Variants in NEURL3 observed in about 807,000 individuals in gnomAD.
The protein encoded by NEURL3 is neuralized E3 ubiquitin protein ligase 3.
NEURL3 carries 19 observed loss-of-function variants against 17.6 expected under a neutral mutation model. That is an observed-to-expected ratio of 1.08 (90% CI 0.75 to 1.58). The LOEUF is 1.58. Among genes scored for constraint, NEURL3 ranks in the 40% most tolerant of loss-of-function variants. The pLI is 0.00. For missense variants in NEURL3, 342 were observed against 379.6 expected (o/e 0.90, Z 0.82); for synonymous variants, 180 against 161.4 (o/e 1.11, Z -0.87).
rs1297286789 is a variant in NEURL3, at chr2:96,505,307, C to T, written c.-21G>A. ...CCCATCAGTCTAAGGTCCTCGGGCA[C>T]AGGTCCCCAGGTCTAGAAGGAACTG... is the stretch of plus-strand genomic sequence containing the variant. On this transcript the variant is annotated 5_prime_UTR_variant, in exon 1 of 4. The change creates a new upstream start codon in the 5' untranslated region. Coordinates refer to ENST00000451794, the MANE Select transcript of NEURL3 (RefSeq NM_001285485.2). The T allele has an allele frequency of 1.9e-6, 3 of 1,598,950 alleles. No homozygotes were observed. The highest frequency in any genetic ancestry group is 1.3e-5 in the African/African-American group (1 of 74,934).
chr2:96,499,858 C>T (rs1033580602), intron 2 of NEURL3: 2 of 189,356 alleles, frequency 1.1e-5, no homozygotes, highest in African/African-American at 4.9e-5. Context: ...GCAGCTGTGA[C>T]AAATGGTTTT....
rs2065467819 is a variant in NEURL3, at chr2:96,498,571, G to T, written c.587-125C>A. On this transcript the variant is annotated intron_variant, in intron 3 of 3. Coordinates refer to ENST00000451794, the MANE Select transcript of NEURL3 (RefSeq NM_001285485.2). This position sits in a 1 kb window ranked among gnomAD's most constrained non-coding sequence, Gnocchi z 4.4. ...ATTTTGAAGAATGTTACCTAGTGAG[G>T]AAATGCTTACAGTGTAATCAAGTGA... is the stretch of plus-strand genomic sequence containing the variant. 1 of 899,770 alleles carries T rather than the reference G, an allele frequency of 1.1e-6. No individual in the cohort carries two copies. The highest frequency in any genetic ancestry group is 1.6e-6 in the Non-Finnish European group (1 of 609,006). The allele number at this position is 899,770 out of a possible 1,614,324, so 55.7% of individuals were successfully genotyped here. A position where few individuals can be genotyped will look rare whatever the true frequency, so the allele number is the denominator to read the frequency against.
upstream of NEURL3, chr2:96,505,397 T>C: frequency 9.8e-7 from 1 of 1,023,624 alleles, no homozygotes. Flanking sequence ...GGGCCAGAGA[T>C]CACGTTACAA....
chr2:96,499,482 G>T lies in NEURL3; in HGVS notation c.515-33C>A, dbSNP rs78987811. ...AGAGAGAGAAACTCAGGTCCAGGACGGCAAGCCCAGGTGCCCCCCCATCCC... is the reference window on the plus strand; with the variant it reads ...AGAGAGAGAAACTCAGGTCCAGGACTGCAAGCCCAGGTGCCCCCCCATCCC... On this transcript the variant is annotated intron_variant, in intron 2 of 3. Transcript: ENST00000451794. The T allele has an allele frequency of 4.6e-3, 7,366 of 1,587,202 alleles. 321 individuals are homozygous for T. The African/African-American group carries it at 0.089, about 19-fold the overall frequency.
In NEURL3 at chr2:96,500,709, G is replaced by C; in HGVS notation, c.244C>G (p.Arg82Gly). 6.6e-7 allele frequency: 1 copy of C among 1,517,290 alleles called. No individual in the cohort carries two copies. The highest frequency in any genetic ancestry group is 1.2e-5 in the South Asian group (1 of 81,686). The allele number at this position is 1,517,290 out of a possible 1,614,324, so 94.0% of individuals were successfully genotyped here. Reference sequence around the variant, plus strand: ...ACGGACACGCACGCGGGGTCCAGGCGCGTGAAGCCCACGCGGAGGCCGCCG... The same window carrying C: ...ACGGACACGCACGCGGGGTCCAGGCCCGTGAAGCCCACGCGGAGGCCGCCG... ...WCGGLRVGFT[R>G]LDPACVSVPS... The change falls in exon 2 of 4, where the codon CGC (arginine) becomes GGC (glycine). Residue 82 changes from arginine (R) to glycine (G), a missense_variant. By Grantham distance (125) the Arg-to-Gly change is moderately radical. Coordinates refer to ENST00000451794, the MANE Select transcript of NEURL3 (RefSeq NM_001285485.2).
At position 96,499,421 on chromosome 2, in the gene NEURL3, G is replaced by C. The variant is rs772264428; in HGVS notation, c.543C>G (p.Pro181=). The C allele has an allele frequency of 4.4e-6, 7 of 1,599,530 alleles. No individual in the cohort carries two copies. The South Asian group carries it at 6.6e-5, about 15-fold the overall frequency. ...LDPTASRLPT[P]MPWDLSNKAV... ...CCTTGTTGCTGAGGTCCCATGGCATGGGTGTTGGGAGCCGGCTGGCTGTGG... is the reference window on the plus strand; with the variant it reads ...CCTTGTTGCTGAGGTCCCATGGCATCGGTGTTGGGAGCCGGCTGGCTGTGG... Residue 181 remains proline, a synonymous_variant, in exon 3 of 4, where the codon CCC becomes CCG. Transcript: ENST00000451794.
rs1323331824 is a variant in NEURL3, at chr2:96,500,750, T to C, written c.203A>G (p.Glu68Gly). 6.6e-7 allele frequency: 1 copy of C among 1,523,560 alleles called. No homozygotes were observed. Among genetic ancestry groups the C allele is most frequent in the Admixed American group, 2.0e-5 (1 of 50,110 alleles). The allele number at this position is 1,523,560 out of a possible 1,614,324, so 94.4% of individuals were successfully genotyped here. A position where few individuals can be genotyped will look rare whatever the true frequency, so the allele number is the denominator to read the frequency against. The change falls in exon 2 of 4, where the codon GAG becomes GGG. Residue 68 changes from glutamate (E) to glycine (G), a missense_variant. By Grantham distance (98) the Glu-to-Gly change is moderately conservative (BLOSUM62 -2). Transcript: ENST00000451794. ...GAGGCCGCCGCACCAGCCGCTCTCC[T>C]CCCGCAGCACTCGCAGCGCCACACG... ...GERVALRVLR[E>G]ESGWCGGLRV...
chr2:96,505,160 C>A, intron 1 of NEURL3, 99 bp downstream of exon 1: 1 of 1,451,474 alleles, frequency 6.9e-7, no homozygotes, highest in Non-Finnish European at 9.5e-7. Flanking sequence ...AAACTTTACA[C>A]TGACCACATC....
chr2:96,502,227 C>T (rs1049206611), intron 1 of NEURL3, among the ~76,000 whole-genome samples: 7 of 152,212 alleles, frequency 4.6e-5, no homozygotes, highest in African/African-American at 9.6e-5. Context: ...TCCCTTCCTG[C>T]GAATCCCAGC....
upstream of NEURL3, among the ~76,000 whole-genome samples, chr2:96,506,836 C>T (rs2065564576): frequency 6.6e-6 from 1 of 152,236 alleles, no homozygotes; most frequent in Admixed American, 6.5e-5. Context: ...CACCCAAAGC[C>T]AGCAGGCTGG....
At chr2:96,504,953 T>A (rs2065548538) in intron 1 of NEURL3, among the ~76,000 whole-genome samples, 1 of 151,256 alleles carries the variant, frequency 6.6e-6, no homozygotes, top group Non-Finnish European at 1.5e-5. Flanking sequence ...GGGACACCTG[T>A]GGCCTCAGGT....
chr2:96,501,861 A>T (rs1379584018), intron 1 of NEURL3, among the ~76,000 whole-genome samples: 1 of 152,104 alleles, frequency 6.6e-6, no homozygotes, highest in African/African-American at 2.4e-5. Context: ...TGTTGAAAAT[A>T]AAAGGCGAAT....
intron 1 of NEURL3, among the ~76,000 whole-genome samples, chr2:96,503,077 C>T (rs998634817): frequency 1.3e-5 from 2 of 152,274 alleles, no homozygotes; most frequent in Admixed American, 6.5e-5. Flanking sequence ...GAGGCTGGCT[C>T]CATGCAGGAC....
upstream of NEURL3, chr2:96,505,482 G>A (rs1469294548): frequency 1.2e-4 from 77 of 619,654 alleles, 1 homozygote; most frequent in South Asian, 8.1e-4. Flanking sequence ...CTCCTGACTC[G>A]CAGACTGACC....
chr2:96,506,504 A>G (rs964934504), upstream of NEURL3, among the ~76,000 whole-genome samples: 7 of 152,202 alleles, frequency 4.6e-5, no homozygotes, highest in Non-Finnish European at 5.9e-5. Flanking sequence ...GCACCTGGCC[A>G]AGTGGACCCC....
intron 3 of NEURL3, 185 bp downstream of exon 3, chr2:96,499,193 G>C: frequency 1.4e-6 from 2 of 1,404,892 alleles, no homozygotes; most frequent in South Asian, 3.2e-5. Flanking sequence ...AACTCACAGA[G>C]TAGGCAAATG....
At position 96,500,446 on chromosome 2, in the gene NEURL3, C is replaced by T. The variant is rs1384856518; in HGVS notation, c.507G>A (p.Glu169=). The change falls in exon 2 of 4, where the codon GAG becomes GAA. Residue 169 remains glutamate, a synonymous_variant. Transcript: ENST00000451794. ...MDVYGTTKAI[E]LLDPTASRLP... ...TCCCCATGGTCGCCTCACCCAGCAG[C>T]TCGATGGCCTTAGTGGTCCCATACA... 1.3e-6 allele frequency: 2 copies of T among 1,597,266 alleles called. No homozygotes were observed. Among genetic ancestry groups the T allele is most frequent in the Non-Finnish European group, 1.7e-6 (2 of 1,179,260 alleles).
chr2:96,504,877 C>CAAAAAAAAAAAAAAAAAAA lies in NEURL3; in HGVS notation c.28+363_28+381dup, dbSNP rs1157285400. On this transcript the variant is annotated intron_variant, in intron 1 of 3. Transcript: ENST00000451794. ...TGGGCAACAGAGCGAGACTCCGTCTCAAAAAAAAAAAAAAAAAAAAAAAGA... is the reference window on the plus strand; with the variant it reads ...TGGGCAACAGAGCGAGACTCCGTCTCAAAAAAAAAAAAAAAAAAAAAAAAAAAAAAAAAAAAAAAAAAGA... 4.7e-3 allele frequency among the ~76,000 whole-genome samples: 261 copies of CAAAAAAAAAAAAAAAAAAA among 55,226 alleles called. 8 individuals carry two copies. Among genetic ancestry groups the CAAAAAAAAAAAAAAAAAAA allele is most frequent in the East Asian group, 9.4e-3 (12 of 1,282 alleles). 36.2% of individuals were successfully genotyped at this position (55,226 alleles called of 152,430 possible).
At position 96,498,039 on chromosome 2, in the gene NEURL3, G is replaced by C. The variant is rs1006701301; in HGVS notation, c.*205C>G. ...AGGATAGTTCTGGCATGGACAGAAA[G>C]AGGGGTTTTTCCTTGCTATCCTGTT... On this transcript the variant is annotated 3_prime_UTR_variant, in exon 4 of 4. Coordinates refer to ENST00000451794, the MANE Select transcript of NEURL3 (RefSeq NM_001285485.2). The surrounding 1 kb of genome is among the most constrained non-coding windows in gnomAD (Gnocchi z 4.4). The C allele has an allele frequency of 2.0e-5, 12 of 587,640 alleles. No individual in the cohort carries two copies. The highest frequency in any genetic ancestry group is 3.3e-5 in the Non-Finnish European group (11 of 334,236). 36.4% of individuals were successfully genotyped at this position (587,640 alleles called of 1,614,324 possible). A position where few individuals can be genotyped will look rare whatever the true frequency, so the allele number is the denominator to read the frequency against.
Sources: allele counts gnomAD v4.1 joint callset (sites outside exome capture counted in the v4.1 genomes callset), GRCh38; gene constraint gnomAD v4.1.1; non-coding constraint Gnocchi (gnomAD v3.1); transcripts MANE v1.5; gene names NCBI Gene and HGNC (gene_info 2026-07-23, HGNC 2026-07-21).